The following PCNX4 variants were observed in gnomAD, a reference collection of about 807,000 sequenced individuals.
The protein encoded by PCNX4 is pecanex 4.
PCNX4 carries 103 observed loss-of-function variants against 107.2 expected under a neutral mutation model. The observed-to-expected ratio is 0.96, with a 90% CI of 0.82 to 1.13. PCNX4 has a LOEUF of 1.13. PCNX4 is among the 50% of genes most tolerant of loss of function. The pLI is 0.00. For missense variants in PCNX4, 1,528 were observed against 1,379.4 expected, an observed-to-expected ratio of 1.11 and a Z score of -1.71; for synonymous variants, 541 against 481.7, an observed-to-expected ratio of 1.12 and a Z score of -1.61.
chr14:60,129,411 G>T lies in PCNX4; in HGVS notation c.3267+3588G>T, dbSNP rs1896114727. ...TCTACAAAAAATAAAAATTAGCCAA[G>T]TGTGGTGGCGTGCATTTGTAGTCCT... On this transcript the variant is annotated intron_variant, in intron 10 of 10. Coordinates refer to ENST00000406854, the MANE Select transcript of PCNX4 (RefSeq NM_001330177.2). 3.9e-5 allele frequency among the ~76,000 whole-genome samples: 6 copies of T among 152,140 alleles called. No individual in the cohort carries two copies. The South Asian group carries it at 1.2e-3, about 32-fold the overall frequency.
Position 60,143,212 on chromosome 14 carries a change from A to C in PCNX4, c.*8991A>C, listed in dbSNP as rs148869709. 1 of 152,196 alleles carries C rather than the reference A, an allele frequency of 6.6e-6. No individual in the cohort carries two copies. The highest frequency in any genetic ancestry group is 6.5e-5 in the Admixed American group (1 of 15,278). The allele number at this position is 152,196 out of a possible 1,614,324, so 9.4% of individuals were successfully genotyped here. On this transcript the variant is annotated 3_prime_UTR_variant, in exon 11 of 11. Coordinates refer to ENST00000406854, the MANE Select transcript of PCNX4 (RefSeq NM_001330177.2). The stretch of plus-strand genomic sequence containing the variant: ...AAGGCCCAGTGCAAGTGACACCTTC[A>C]TCAGGAAGGGCTTCCACATGATTCT...
intron 10 of PCNX4, among the ~76,000 whole-genome samples, chr14:60,130,650 G>T (rs1896137720): frequency 6.6e-6 from 1 of 152,110 alleles, no homozygotes; most frequent in Non-Finnish European, 1.5e-5. Flanking sequence ...TTCATGTATT[G>T]TTGGGCCTAT....
chr14:60,108,194 A>G lies in PCNX4; in HGVS notation c.556A>G (p.Ile186Val), dbSNP rs1440457968. ...LFFFGWMTLC[I>V]AEYSLIVNTA... ...CTTCTTTGGATGGATGACACTATGT[A>G]TAGCAGAATATTCTTTAATTGTAAA... is the stretch of plus-strand genomic sequence containing the variant. Residue 186 changes from isoleucine to valine, a missense_variant, in exon 2 of 11, where the codon ATA becomes GTA. Coordinates refer to ENST00000406854, the MANE Select transcript of PCNX4 (RefSeq NM_001330177.2). The G allele has an allele frequency of 1.8e-5, 29 of 1,612,722 alleles. No homozygotes were observed. The highest frequency in any genetic ancestry group is 2.3e-5 in the Non-Finnish European group (27 of 1,179,834).
At chr14:60,114,330 A>G (rs1895797787) in intron 2 of PCNX4, among the ~76,000 whole-genome samples, 1 of 152,204 alleles carries the variant, frequency 6.6e-6, no homozygotes, top group South Asian at 2.1e-4. Flanking sequence ...AGTAGTTTAG[A>G]CATTTAGGGG....
rs767667573 is a variant in PCNX4, at chr14:60,114,704, G to A, written c.694G>A (p.Val232Met). 6.2e-7 allele frequency: 1 copy of A among 1,605,428 alleles called. No homozygotes were observed. Among genetic ancestry groups the A allele is most frequent in the East Asian group, 2.2e-5 (1 of 44,630 alleles). Residue 232 changes from valine to methionine, a missense_variant, in exon 3 of 11, where the codon GTG (valine) becomes ATG (methionine). Physicochemically the swap from Val to Met is conservative, Grantham distance 21. Transcript: ENST00000406854. Reference sequence around the variant, plus strand: ...ATGTTCTTTTTTTTTATATAGGTTTGTGGTAAATATGCCAGCTCTAGAACA... The same window carrying A: ...ATGTTCTTTTTTTTTATATAGGTTTATGGTAAATATGCCAGCTCTAGAACA... ...FVSVDLAHRF[V>M]VNMPALEHMN... is the part of the protein sequence containing the mutation.
Position 60,144,759 on chromosome 14 carries a change from TATAGTATGAGTTA to T in PCNX4, c.*10542_*10554del. ...TTTAAAAGGTTATTTTATCCAAGAA[TATAGTATGAGTTA>T]ATACCTTTTTTGCAAGATTCATGGC... On this transcript the variant is annotated 3_prime_UTR_variant, in exon 11 of 11. Coordinates refer to ENST00000406854, the MANE Select transcript of PCNX4 (RefSeq NM_001330177.2). 1 of 534,186 alleles carries T rather than the reference TATAGTATGAGTTA, an allele frequency of 1.9e-6. No individual in the cohort carries two copies. The highest frequency in any genetic ancestry group is 3.3e-6 in the Non-Finnish European group (1 of 307,586). 33.1% of individuals were successfully genotyped at this position (534,186 alleles called of 1,614,324 possible).
chr14:60,120,129 G>A (rs1169705692), intron 7 of PCNX4, among the ~76,000 whole-genome samples: 1 of 152,154 alleles, frequency 6.6e-6, no homozygotes, highest in Non-Finnish European at 1.5e-5. Flanking sequence ...CCAAAAGGAT[G>A]CAGAGCAAAA....
Position 60,143,795 on chromosome 14 carries a change from T to C in PCNX4, c.*9574T>C, listed in dbSNP as rs1896336040. On this transcript the variant is annotated 3_prime_UTR_variant, in exon 11 of 11. Transcript: ENST00000406854. ...TTATGTATGTTACTTTGGCTCCAGC[T>C]CAATTGTGAACTGCTTGTAGATAAG... is the stretch of plus-strand genomic sequence containing the variant. 6.6e-6 allele frequency: 1 copy of C among 152,262 alleles called. No individual in the cohort carries two copies. The allele number at this position is 152,262 out of a possible 1,614,324, so 9.4% of individuals were successfully genotyped here. A position where few individuals can be genotyped will look rare whatever the true frequency, so the allele number is the denominator to read the frequency against.
rs1896398711 is a variant in PCNX4, at chr14:60,146,056, G to A, written c.*11835G>A. On this transcript the variant is annotated 3_prime_UTR_variant, in exon 11 of 11. Coordinates refer to ENST00000406854, the MANE Select transcript of PCNX4 (RefSeq NM_001330177.2). This position sits in a 1 kb window ranked among gnomAD's most constrained non-coding sequence, Gnocchi z 4.9. ...ATATAAAATATAAAATAGTGGGAGAGAGGAAGAGTACAGACTATAAAGAAT... is the reference window on the plus strand; with the variant it reads ...ATATAAAATATAAAATAGTGGGAGAAAGGAAGAGTACAGACTATAAAGAAT... The A allele has an allele frequency of 6.6e-6, 1 of 150,586 alleles. No homozygotes were observed. Among genetic ancestry groups the A allele is most frequent in the South Asian group, 2.1e-4 (1 of 4,810 alleles). 9.3% of individuals were successfully genotyped at this position (150,586 alleles called of 1,614,324 possible). A position where few individuals can be genotyped will look rare whatever the true frequency, so the allele number is the denominator to read the frequency against.
rs893521153 is a variant in PCNX4 at position 60,107,792 on chromosome 14, T to G, written c.154T>G (p.Trp52Gly). The change falls in exon 2 of 11, where the codon TGG (tryptophan) becomes GGG (glycine). Residue 52 changes from tryptophan to glycine, a missense_variant. By Grantham distance (184) the Trp-to-Gly change is radical. Coordinates refer to ENST00000406854, the MANE Select transcript of PCNX4 (RefSeq NM_001330177.2). ...VNQIILFLMP[W>G]VWGGVGTLLY... ...TCAAATTATTCTTTTTCTAATGCCA[T>G]GGGTTTGGGGTGGAGTCGGAACACT... 39 of 1,612,706 alleles carry G rather than the reference T, an allele frequency of 2.4e-5. No homozygotes were observed. Among genetic ancestry groups the G allele is most frequent in the Admixed American group, 8.3e-5 (5 of 59,998 alleles).
chr14:60,121,161 C>CTTTTTTTTTTTTT (rs747483127), intron 7 of PCNX4, 35 bp from the exon 8 acceptor site: 5 of 1,103,160 alleles, frequency 4.5e-6, no homozygotes, highest in East Asian at 3.7e-5. Context: ...AAATGATTTT[C>CTTTTTTTTTTTTT]TTTTTTTTTT....
At position 60,138,449 on chromosome 14, in the gene PCNX4, AAAAG is replaced by A. The variant is rs1164791907; in HGVS notation, c.*4232_*4235del. The stretch of plus-strand genomic sequence containing the variant: ...ACATCCTAAGAAAAAATAAAACACA[AAAAG>A]AAAATCATTAAAGGAGCCAGACAAT... On this transcript the variant is annotated 3_prime_UTR_variant, in exon 11 of 11. Coordinates refer to ENST00000406854, the MANE Select transcript of PCNX4 (RefSeq NM_001330177.2). The A allele has an allele frequency of 7.2e-5, 11 of 152,226 alleles. No homozygotes were observed. Among genetic ancestry groups the A allele is most frequent in the African/African-American group, 2.4e-4 (10 of 41,460 alleles). 9.4% of individuals were successfully genotyped at this position (152,226 alleles called of 1,614,324 possible).
chr14:60,093,014 C>T (rs1429855494), intron 1 of PCNX4, among the ~76,000 whole-genome samples: 2 of 152,228 alleles, frequency 1.3e-5, no homozygotes, highest in East Asian at 3.9e-4. Context: ...AAAGACTGCC[C>T]TTCATGTTAT....
In PCNX4 at chr14:60,146,243, TGC is replaced by T. The variant is rs1433107201; in HGVS notation, c.*12024_*12025del. On this transcript the variant is annotated 3_prime_UTR_variant, in exon 11 of 11. Coordinates refer to ENST00000406854, the MANE Select transcript of PCNX4 (RefSeq NM_001330177.2). This position sits in a 1 kb window ranked among gnomAD's most constrained non-coding sequence, Gnocchi z 4.9. The stretch of plus-strand genomic sequence containing the variant: ...TAGAAAAACCTAGATGTAAAAAAAA[TGC>T]GAGATTTGCTAAATGATGTTTATAT... 3.3e-5 allele frequency: 5 copies of T among 151,908 alleles called. No homozygotes were observed. In the East Asian group the frequency reaches 9.7e-4, roughly 29 times the overall value. 9.4% of individuals were successfully genotyped at this position (151,908 alleles called of 1,614,324 possible).
intron 7 of PCNX4, among the ~76,000 whole-genome samples, chr14:60,120,922 G>C (rs1379471607): frequency 6.6e-6 from 1 of 151,948 alleles, no homozygotes; most frequent in African/African-American, 2.4e-5. Flanking sequence ...ATTTAAGATT[G>C]TATACAACAA....
At chr14:60,115,558 A>C (rs115609434) in intron 4 of PCNX4, 97 bp downstream of exon 4, 7 of 1,424,322 alleles carry the variant, frequency 4.9e-6, no homozygotes, top group Non-Finnish European at 6.6e-6. Flanking sequence ...GTATTATACC[A>C]TATACAAGTG....
Position 60,115,167 on chromosome 14 carries a change from G to A in PCNX4, c.1063G>A (p.Glu355Lys). 6.2e-7 allele frequency: 1 copy of A among 1,613,480 alleles called. No individual in the cohort carries two copies. Among genetic ancestry groups the A allele is most frequent in the Non-Finnish European group, 8.5e-7 (1 of 1,179,504 alleles). ...TCCGGAAAAACATTTTTCATGGAAGGAATGCCTTTTCTACATCATTATATT... is the reference window on the plus strand; with the variant it reads ...TCCGGAAAAACATTTTTCATGGAAGAAATGCCTTTTCTACATCATTATATT... ...SGPEKHFSWK[E>K]CLFYIIILVL... is the part of the protein sequence containing the mutation. The change falls in exon 4 of 11, where the codon GAA becomes AAA. Residue 355 changes from glutamate to lysine, a missense_variant. Transcript: ENST00000406854.
At chr14:60,119,473 A>T (rs1895914865) in intron 7 of PCNX4, among the ~76,000 whole-genome samples, 1 of 152,214 alleles carries the variant, frequency 6.6e-6, no homozygotes, top group South Asian at 2.1e-4. Context: ...ACAATTTAAG[A>T]TTAGAATTTT....
rs1250404193 is a variant in PCNX4 at position 60,143,980 on chromosome 14, C to T, written c.*9759C>T. On this transcript the variant is annotated 3_prime_UTR_variant, in exon 11 of 11. Transcript: ENST00000406854. ...GAGCTGAATCTAATCATGGCTTTAC[C>T]CCTTACTAGCTTTGTGACCTTGACC... 1 of 152,144 alleles carries T rather than the reference C, an allele frequency of 6.6e-6. No individual in the cohort carries two copies. Among genetic ancestry groups the T allele is most frequent in the Non-Finnish European group, 1.5e-5 (1 of 68,038 alleles). The allele number at this position is 152,144 out of a possible 1,614,324, so 9.4% of individuals were successfully genotyped here. A position where few individuals can be genotyped will look rare whatever the true frequency, so the allele number is the denominator to read the frequency against.
Sources: gnomAD v4.1 joint callset for allele counts (sites outside exome capture counted in the v4.1 genomes callset) on GRCh38, gnomAD v4.1.1 for gene constraint, Gnocchi (gnomAD v3.1) non-coding constraint, MANE v1.5 for transcripts, NCBI Gene and HGNC (gene_info 2026-07-23, HGNC 2026-07-21) for gene names.